GPC5: variants seen among roughly 807,000 people sequenced by gnomAD.
GPC5 encodes glypican 5, also known as glypican-5.
In GPC5, 47 loss-of-function variants were observed where a neutral mutation model predicts 53.9. The ratio of observed to expected loss-of-function variants is 0.87; its 90% CI spans 0.69 to 1.11. The LOEUF is 1.11. GPC5 is among the 50% of genes most tolerant of loss of function. The probability of loss-of-function intolerance (pLI) is 0.00; values close to 1 mark genes in which losing one functional copy is unlikely to be tolerated. For missense variants in GPC5, 748 were observed against 713.1 expected, an observed-to-expected ratio of 1.05 and a Z score of -0.56; for synonymous variants, 286 against 263.3, an observed-to-expected ratio of 1.09 and a Z score of -0.84.
intron 3 of GPC5, among the ~76,000 whole-genome samples, chr13:91,707,166 A>T (rs1258917612): frequency 6.6e-6 from 1 of 152,070 alleles, no homozygotes; most frequent in African/African-American, 2.4e-5. Context: ...TTAAAAATTA[A>T]CCCAGCAGAA....
At chr13:92,609,569 C>A (rs990764429) in intron 7 of GPC5, among the ~76,000 whole-genome samples, 4 of 152,060 alleles carry the variant, frequency 2.6e-5, no homozygotes, top group Admixed American at 6.6e-5. Flanking sequence ...TGGACCTGAA[C>A]CAGTGCCAAT....
chr13:92,666,085 T>A (rs1435312311), intron 7 of GPC5, among the ~76,000 whole-genome samples: 1 of 152,154 alleles, frequency 6.6e-6, no homozygotes, highest in African/African-American at 2.4e-5. Flanking sequence ...ATTGAAAAAA[T>A]AAGTTACATA....
chr13:92,348,687 T>C (rs867484034), intron 7 of GPC5, among the ~76,000 whole-genome samples: 18 of 152,262 alleles, frequency 1.2e-4, no homozygotes, highest in Middle Eastern at 3.4e-3. Flanking sequence ...GACAAAAGCC[T>C]GAGTTTTCTC....
At chr13:92,167,920 G>C (rs964679537) in intron 7 of GPC5, among the ~76,000 whole-genome samples, 18 of 152,020 alleles carry the variant, frequency 1.2e-4, no homozygotes, top group Admixed American at 9.8e-4. Context: ...AGGCCTGTAA[G>C]TAGAAGTGAC....
intron 2 of GPC5, among the ~76,000 whole-genome samples, chr13:91,546,949 G>A (rs930455860): frequency 6.6e-6 from 1 of 152,038 alleles, no homozygotes; most frequent in Non-Finnish European, 1.5e-5. Flanking sequence ...GGTAAGAATG[G>A]TGAGAAGGGA....
intron 7 of GPC5, among the ~76,000 whole-genome samples, chr13:92,336,652 A>G (rs2043325501): frequency 6.6e-6 from 1 of 152,208 alleles, no homozygotes; most frequent in Admixed American, 6.5e-5. Flanking sequence ...GAAAATGATA[A>G]TTATGTAGTT....
intron 7 of GPC5, among the ~76,000 whole-genome samples, chr13:92,332,727 C>T (rs1001104220): frequency 3.9e-5 from 6 of 151,944 alleles, no homozygotes; most frequent in African/African-American, 1.4e-4. Flanking sequence ...GACTATTGTC[C>T]AATAAAATAG....
At chr13:92,723,522 A>G (rs1175928221) in intron 7 of GPC5, among the ~76,000 whole-genome samples, 1 of 151,682 alleles carries the variant, frequency 6.6e-6, no homozygotes, top group Non-Finnish European at 1.5e-5. Flanking sequence ...CTGAAATACC[A>G]CTACACCCCT....
chr13:91,865,355 A>C (rs1327410741), intron 5 of GPC5, among the ~76,000 whole-genome samples: 1 of 152,174 alleles, frequency 6.6e-6, no homozygotes, highest in Non-Finnish European at 1.5e-5. Flanking sequence ...CTCGTGTACA[A>C]ATAAATACTA....
At chr13:91,525,059 T>C (rs1886020881) in intron 2 of GPC5, among the ~76,000 whole-genome samples, 1 of 152,240 alleles carries the variant, frequency 6.6e-6, no homozygotes, top group Non-Finnish European at 1.5e-5. Flanking sequence ...TATTTATTAA[T>C]ATTTATAGAC....
At chr13:92,623,603 G>C in intron 7 of GPC5, among the ~76,000 whole-genome samples, 1 of 152,224 alleles carries the variant, frequency 6.6e-6, no homozygotes, top group Middle Eastern at 3.4e-3. Flanking sequence ...TGCAAGTTAC[G>C]TTAGTGGATT....
intron 4 of GPC5, among the ~76,000 whole-genome samples, chr13:91,732,491 T>C (rs895673533): frequency 5.3e-5 from 8 of 152,174 alleles, no homozygotes; most frequent in Non-Finnish European, 1.0e-4. Context: ...ACTTTGATGA[T>C]AGTTTCTTTT....
At chr13:92,248,131 G>T (rs2042666304) in intron 7 of GPC5, among the ~76,000 whole-genome samples, 1 of 151,920 alleles carries the variant, frequency 6.6e-6, no homozygotes, top group South Asian at 2.1e-4. Context: ...GGACATGAGG[G>T]AGATCTGTAG....
chr13:92,492,836 CCAGT>C (rs1879818152), intron 7 of GPC5, among the ~76,000 whole-genome samples: 2 of 152,252 alleles, frequency 1.3e-5, no homozygotes, highest in South Asian at 4.2e-4. Context: ...CAACTGTTGT[CCAGT>C]CAGTTATTTG....
intron 7 of GPC5, among the ~76,000 whole-genome samples, chr13:92,603,963 G>T (rs990629136): frequency 2.6e-5 from 4 of 152,032 alleles, no homozygotes; most frequent in African/African-American, 4.8e-5. Flanking sequence ...AAACATAATC[G>T]CATGAATATA....
At chr13:92,650,880 T>G (rs1462863003) in intron 7 of GPC5, among the ~76,000 whole-genome samples, 2 of 152,098 alleles carry the variant, frequency 1.3e-5, no homozygotes, top group Non-Finnish European at 2.9e-5. Flanking sequence ...CCACGGTGGT[T>G]TGCTGCATCT....
chr13:92,616,111 A>G (rs184944170), intron 7 of GPC5, among the ~76,000 whole-genome samples: 49 of 152,306 alleles, frequency 3.2e-4, no homozygotes, highest in African/African-American at 9.4e-4. Flanking sequence ...ACCTACATCC[A>G]AAAAGCATGT....
At chr13:92,338,159 GGACACCTCAT>G (rs2043337853) in intron 7 of GPC5, among the ~76,000 whole-genome samples, 1 of 151,902 alleles carries the variant, frequency 6.6e-6, no homozygotes, top group South Asian at 2.1e-4. Context: ...AGACCTCAAA[GGACACCTCAT>G]GAAAGATAAA....
At chr13:91,628,617 C>T (rs1208385937) in intron 2 of GPC5, among the ~76,000 whole-genome samples, 1 of 152,098 alleles carries the variant, frequency 6.6e-6, no homozygotes, top group Non-Finnish European at 1.5e-5. Flanking sequence ...TGAATTCAGA[C>T]AGTACTTGAT....
Sources: gnomAD v4.1 joint callset for allele counts (sites outside exome capture counted in the v4.1 genomes callset) on GRCh38, gnomAD v4.1.1 for gene constraint, MANE v1.5 for transcripts, NCBI Gene and HGNC (gene_info 2026-07-23, HGNC 2026-07-21) for gene names.